The following TTLL7 variants were observed in gnomAD, a reference collection of about 807,000 sequenced individuals.
TTLL7 encodes tubulin polyglutamylase TTLL7.
A neutral mutation model predicts 120.2 loss-of-function variants in TTLL7; 53 were observed. The ratio of observed to expected loss-of-function variants is 0.44; its 90% CI spans 0.35 to 0.55. The LOEUF is 0.55. Ranked by LOEUF, TTLL7 falls within the 20% of genes least tolerant of loss-of-function variation. The pLI is 0.00. For missense variants in TTLL7, 803 were observed against 1,054.7 expected, an observed-to-expected ratio of 0.76 and a Z score of 3.31; for synonymous variants, 353 against 351.7, an observed-to-expected ratio of 1.00 and a Z score of -0.04.
At chr1:83,892,333 T>C (rs1285953923) in intron 18 of TTLL7, among the ~76,000 whole-genome samples, 1 of 123,424 alleles carries the variant, frequency 8.1e-6, no homozygotes, top group Non-Finnish European at 1.8e-5. Flanking sequence ...TATATGTATA[T>C]ATGAATATAT....
At chr1:83,892,644 A>G (rs1251065364) in intron 18 of TTLL7, among the ~76,000 whole-genome samples, 2 of 119,522 alleles carry the variant, frequency 1.7e-5, no homozygotes, top group African/African-American at 5.5e-5. Flanking sequence ...ATGAACATAT[A>G]TATGAACATA....
At chr1:83,994,913 ATG>A (rs1470851814) in intron 1 of TTLL7, among the ~76,000 whole-genome samples, 1 of 152,198 alleles carries the variant, frequency 6.6e-6, no homozygotes, top group Admixed American at 6.5e-5. Context: ...GGAGATAGAT[ATG>A]TGTGTTGTGG....
chr1:83,984,952 A>C (rs1652309947), intron 1 of TTLL7, among the ~76,000 whole-genome samples: 1 of 152,222 alleles, frequency 6.6e-6, no homozygotes, highest in Admixed American at 6.5e-5. Flanking sequence ...AAAGTCTTCT[A>C]AAAGAATGTA....
intron 1 of TTLL7, among the ~76,000 whole-genome samples, chr1:83,971,924 T>C (rs1651024338): frequency 6.6e-6 from 1 of 151,976 alleles, no homozygotes; most frequent in Non-Finnish European, 1.5e-5. Context: ...GGGCCAAAGA[T>C]TTTTCATATT....
chr1:83,950,968 T>C (rs956068252), intron 3 of TTLL7, among the ~76,000 whole-genome samples: 3 of 152,146 alleles, frequency 2.0e-5, no homozygotes, highest in African/African-American at 7.2e-5. Flanking sequence ...CAACTGTTCC[T>C]GAGTATATGA....
At chr1:83,894,688 T>C (rs1656065011) in intron 18 of TTLL7, among the ~76,000 whole-genome samples, 2 of 152,086 alleles carry the variant, frequency 1.3e-5, no homozygotes, top group Non-Finnish European at 2.9e-5. Context: ...TTCTTCAATA[T>C]GGAGATGGAA....
chr1:83,906,792 G>T (rs1216127422), intron 16 of TTLL7, among the ~76,000 whole-genome samples: 1 of 151,862 alleles, frequency 6.6e-6, no homozygotes, highest in Non-Finnish European at 1.5e-5. Context: ...AAAATTCATT[G>T]TTACCAAGTG....
At chr1:83,928,978 A>G (rs1659365478) in intron 10 of TTLL7, among the ~76,000 whole-genome samples, 158 bp downstream of exon 10, 1 of 151,998 alleles carries the variant, frequency 6.6e-6, no homozygotes, top group African/African-American at 2.4e-5. Flanking sequence ...AATGGATGGA[A>G]CCAAGAAATG....
chr1:83,933,655 C>A lies in TTLL7; in HGVS notation c.1000G>T (p.Gly334Ter). The change falls in exon 9 of 21, where the codon GGA (glycine) becomes TGA (stop). Residue 334 changes from glycine to a stop codon, truncating the protein, a stop_gained. Coordinates refer to ENST00000260505, the MANE Select transcript of TTLL7 (RefSeq NM_024686.6). LOFTEE classifies it high-confidence loss of function. ...GSESVCFEVL[G>*]FDILLDRKLK... Reference sequence around the variant, plus strand: ...TTTCTATCCAACAAAATATCAAATCCCAGGACTTCAAAGCAGACACTTTCG... The same window carrying A: ...TTTCTATCCAACAAAATATCAAATCACAGGACTTCAAAGCAGACACTTTCG... 1.2e-6 allele frequency: 2 copies of A among 1,613,652 alleles called. No individual in the cohort carries two copies. The highest frequency in any genetic ancestry group is 2.2e-5 in the East Asian group (1 of 44,866).
At chr1:83,960,938 G>A (rs1485198492) in intron 1 of TTLL7, among the ~76,000 whole-genome samples, 1 of 152,060 alleles carries the variant, frequency 6.6e-6, no homozygotes, top group Non-Finnish European at 1.5e-5. Flanking sequence ...TCCCTGGCTG[G>A]GCCCATTACC....
intron 1 of TTLL7, chr1:83,978,970 T>TC (rs1651732841): frequency 6.6e-6 from 1 of 152,146 alleles, no homozygotes; most frequent in African/African-American, 2.4e-5. Context: ...CCATGACTCC[T>TC]CCCCACTGAA....
In TTLL7 at chr1:83,865,776, C is replaced by T. The variant is rs1652873764; in HGVS notation, c.*4186G>A. ...TTATTGCTGAGGCAAAATCACACCA[C>T]CATAAAATGCAAGGAAAACCAATGT... On this transcript the variant is annotated 3_prime_UTR_variant, in exon 21 of 21. Coordinates refer to ENST00000260505, the MANE Select transcript of TTLL7 (RefSeq NM_024686.6). 1 of 151,882 alleles carries T rather than the reference C, an allele frequency of 6.6e-6. No homozygotes were observed. Among genetic ancestry groups the T allele is most frequent in the Admixed American group, 6.6e-5 (1 of 15,242 alleles). 9.4% of individuals were successfully genotyped at this position (151,882 alleles called of 1,614,324 possible).
chr1:83,988,087 C>T (rs1245924772), intron 1 of TTLL7, among the ~76,000 whole-genome samples: 1 of 152,122 alleles, frequency 6.6e-6, no homozygotes, highest in Non-Finnish European at 1.5e-5. Context: ...TCTTTACGTC[C>T]ATGAGTACCC....
rs112827657 is a variant in TTLL7, at chr1:83,904,132, T to C, written c.2155A>G (p.Thr719Ala). ...DIIDNWKYHK[T>A]KVASYWLIKL... Reference sequence around the variant, plus strand: ...ATGAGCCAATATGAAGCCACTTTGGTTTTATGATACTTCCAGTTATCAATG... The same window carrying C: ...ATGAGCCAATATGAAGCCACTTTGGCTTTATGATACTTCCAGTTATCAATG... The change falls in exon 18 of 21, where the codon ACC (threonine) becomes GCC (alanine). Residue 719 changes from threonine to alanine, a missense_variant. Transcript: ENST00000260505. The C allele has an allele frequency of 1.2e-6, 2 of 1,612,134 alleles. No homozygotes were observed. Among genetic ancestry groups the C allele is most frequent in the African/African-American group, 1.3e-5 (1 of 74,888 alleles).
chr1:83,994,838 T>G (rs1653336678), intron 1 of TTLL7, among the ~76,000 whole-genome samples: 1 of 152,170 alleles, frequency 6.6e-6, no homozygotes. Context: ...CCTTGCAATA[T>G]CAGGACCCTG....
chr1:83,975,131 G>T (rs1208129123), intron 1 of TTLL7, among the ~76,000 whole-genome samples: 1 of 152,014 alleles, frequency 6.6e-6, no homozygotes. Flanking sequence ...TTTATTCAAG[G>T]GAACAAGACA....
intron 1 of TTLL7, among the ~76,000 whole-genome samples, chr1:83,994,797 A>C (rs1024556662): frequency 2.0e-5 from 3 of 152,194 alleles, no homozygotes; most frequent in Non-Finnish European, 4.4e-5. Flanking sequence ...AATTCCCCAA[A>C]TTAGAGTGCA....
At chr1:83,945,006 T>C (rs1032494121) in intron 6 of TTLL7, among the ~76,000 whole-genome samples, 5 of 151,986 alleles carry the variant, frequency 3.3e-5, no homozygotes, top group African/African-American at 9.7e-5. Context: ...CAACAATATA[T>C]AGTAAAAGAA....
At chr1:83,974,208 T>C (rs963107413) in intron 1 of TTLL7, among the ~76,000 whole-genome samples, 6 of 151,886 alleles carry the variant, frequency 4.0e-5, no homozygotes, top group African/African-American at 1.2e-4. Flanking sequence ...ACGGGAAAAA[T>C]GTTATTTGAA....
Sources: allele counts gnomAD v4.1 joint callset (sites outside exome capture counted in the v4.1 genomes callset), GRCh38; gene constraint gnomAD v4.1.1; transcripts MANE v1.5; gene names NCBI Gene and HGNC (gene_info 2026-07-23, HGNC 2026-07-21).